USP24: variants seen among roughly 807,000 people sequenced by gnomAD.
USP24 encodes ubiquitin specific peptidase 24.
USP24 carries 97 observed loss-of-function variants against 361.6 expected under a neutral mutation model. That is an observed-to-expected ratio of 0.27 (90% CI 0.23 to 0.32). The LOEUF (loss-of-function observed/expected upper bound fraction) is 0.32, where lower values mean the gene tolerates loss of function less well. Ranked by LOEUF, USP24 falls within the 10% of genes least tolerant of loss-of-function variation. The probability of loss-of-function intolerance (pLI) is 1.00; values close to 1 mark genes in which losing one functional copy is unlikely to be tolerated. For synonymous variants in USP24, 1,098 were observed against 1,124.6 expected (o/e 0.98, Z 0.47); for missense variants, 2,353 against 3,165.6 (o/e 0.74, Z 6.16).
Position 55,098,659 on chromosome 1 carries a change from C to T in USP24, c.5371-101G>A, listed in dbSNP as rs141498932. 154 of 830,462 alleles carry T rather than the reference C, an allele frequency of 1.9e-4. 1 individual carries two copies. In the East Asian group the frequency reaches 3.1e-3, roughly 17 times the overall value. 51.4% of individuals were successfully genotyped at this position (830,462 alleles called of 1,614,324 possible). On this transcript the variant is annotated intron_variant, in intron 45 of 67. Transcript: ENST00000294383. The stretch of plus-strand genomic sequence containing the variant: ...GCAATTTAAGGACCAAAACAAAACG[C>T]GTCATTCTGGTAGTATCAGCTGTGG...
chr1:55,076,424 C>G (rs1645032984), intron 62 of USP24, among the ~76,000 whole-genome samples: 1 of 152,172 alleles, frequency 6.6e-6, no homozygotes, highest in South Asian at 2.1e-4. Flanking sequence ...TCTTTTCTTA[C>G]TCAAAACTCT....
Position 55,147,810 on chromosome 1 carries a change from T to C in USP24, c.1969-12A>G. On this transcript the variant is annotated splice_polypyrimidine_tract_variant and intron_variant, in intron 17 of 67. Transcript: ENST00000294383. The stretch of plus-strand genomic sequence containing the variant: ...TCTTGAATAATGCTCTTGGCGAAAA[T>C]AACAAAAAGAAAAGTGGTAATGAGA... The C allele has an allele frequency of 1.2e-6, 2 of 1,608,470 alleles. No homozygotes were observed. The highest frequency in any genetic ancestry group is 1.1e-5 in the South Asian group (1 of 90,244).
intron 49 of USP24, 91 bp from the exon 50 acceptor site, chr1:55,096,713 A>T (rs1422586250): frequency 6.7e-7 from 1 of 1,495,466 alleles, no homozygotes; most frequent in Non-Finnish European, 9.0e-7. Context: ...TCTACAAATA[A>T]AGCAGGTGTT....
intron 38 of USP24, among the ~76,000 whole-genome samples, chr1:55,118,137 T>C (rs1646174331): frequency 6.6e-6 from 1 of 152,160 alleles, no homozygotes; most frequent in African/African-American, 2.4e-5. Flanking sequence ...CATTCTAAAA[T>C]TCACATGGAC....
chr1:55,165,071 T>G (rs1421242620), intron 7 of USP24, among the ~76,000 whole-genome samples: 6 of 152,010 alleles, frequency 3.9e-5, no homozygotes, highest in African/African-American at 1.2e-4. Flanking sequence ...ACCATCAGTC[T>G]CTCTCCTTGA....
In USP24 at chr1:55,175,500, A is replaced by G. The variant is rs551343769; in HGVS notation, c.558+876T>C. 8.1e-4 allele frequency among the ~76,000 whole-genome samples: 123 copies of G among 152,250 alleles called. 1 individual carries two copies. The highest frequency in any genetic ancestry group is 1.2e-3 in the South Asian group (6 of 4,822). ...CTTGGCCTCCCAAGGTGCTGGGATT[A>G]CAGGCGTGAGCAATTGCACCCGGCC... On this transcript the variant is annotated intron_variant, in intron 3 of 67. Transcript: ENST00000294383.
chr1:55,199,683 TAATG>T (rs1401620929), intron 1 of USP24, among the ~76,000 whole-genome samples: 3 of 151,450 alleles, frequency 2.0e-5, no homozygotes, highest in Non-Finnish European at 4.4e-5. Context: ...TGTTTGCAAA[TAATG>T]AATCAAGGTG....
At chr1:55,073,047 C>T (rs112883154) in intron 64 of USP24, 186 bp from the exon 65 acceptor site, 1 of 595,302 alleles carries the variant, frequency 1.7e-6, no homozygotes. Context: ...CCCCCAGGGG[C>T]TGGGGGAAGG....
At chr1:55,214,083 C>T (rs1222521445) in intron 1 of USP24, among the ~76,000 whole-genome samples, 1 of 151,986 alleles carries the variant, frequency 6.6e-6, no homozygotes, top group African/African-American at 2.4e-5. Flanking sequence ...CCACCCCTGC[C>T]CAGGCCTCCC....
In USP24 at chr1:55,206,244, G is replaced by A. The variant is rs376303587; in HGVS notation, c.324+8546C>T. 1.0e-3 allele frequency among the ~76,000 whole-genome samples: 159 copies of A among 152,254 alleles called. 7 individuals carry two copies. The South Asian group carries it at 0.032, about 31-fold the overall frequency. ...AAATAGTCCTGCTCAATGCCTAATG[G>A]GAATTATCAATACACACATGCAAAC... is the stretch of plus-strand genomic sequence containing the variant. On this transcript the variant is annotated intron_variant, in intron 1 of 67. Transcript: ENST00000294383.
chr1:55,123,549 T>C lies in USP24; in HGVS notation c.4174A>G (p.Ile1392Val), dbSNP rs1428218331. 2.5e-6 allele frequency: 4 copies of C among 1,601,736 alleles called. No homozygotes were observed. The highest frequency in any genetic ancestry group is 3.4e-6 in the Non-Finnish European group (4 of 1,174,082). Residue 1392 changes from isoleucine to valine, a missense_variant, in exon 36 of 68, where the codon ATC becomes GTC. Ile to Val is a conservative substitution (Grantham distance 29, BLOSUM62 3). This residue lies in a region of USP24 where 949 missense variants were observed against 1,280.5 expected (regional missense o/e 0.74). Coordinates refer to ENST00000294383, the MANE Select transcript of USP24 (RefSeq NM_015306.3). ...GATACAGACTGTTGTCGAACACAGA[T>C]TCCCGCATGCAGGGCTACTGGTTCT... ...EGEPVALHAGICVRQQSVSTK... is the reference protein window; with the variant it reads ...EGEPVALHAGVCVRQQSVSTK...
intron 63 of USP24, among the ~76,000 whole-genome samples, chr1:55,074,107 T>TA (rs34911935): frequency 0.15 from 18,647 of 123,278 alleles, 1,466 homozygotes; most frequent in Non-Finnish European, 0.2. Flanking sequence ...TAAGTATGTT[T>TA]AAAAAAAAAA....
In USP24 at chr1:55,159,641, C is replaced by T. The variant is rs758804797; in HGVS notation, c.1038G>A (p.Arg346=). ...PVILTTIQDV[R]SVEEKDLKDK... is the part of the protein sequence containing the mutation. Reference sequence around the variant, plus strand: ...CTTTGAGGTCTTTCTCTTCTACACTCCGTACATCCTGGATTGTAGTAAGAA... The same window carrying T: ...CTTTGAGGTCTTTCTCTTCTACACTTCGTACATCCTGGATTGTAGTAAGAA... Residue 346 remains arginine (R), a synonymous_variant, in exon 9 of 68, where the codon CGG becomes CGA. Coordinates refer to ENST00000294383, the MANE Select transcript of USP24 (RefSeq NM_015306.3). The T allele has an allele frequency of 9.6e-6, 15 of 1,562,568 alleles. No individual in the cohort carries two copies. Among genetic ancestry groups the T allele is most frequent in the South Asian group, 2.4e-5 (2 of 85,010 alleles).
intron 7 of USP24, among the ~76,000 whole-genome samples, chr1:55,165,104 T>C (rs1401780907): frequency 1.3e-5 from 2 of 152,034 alleles, no homozygotes; most frequent in Non-Finnish European, 2.9e-5. Context: ...CCTTCACCCA[T>C]AGAGGGACCA....
At chr1:55,105,323 C>CA (rs1022487033) in intron 41 of USP24, among the ~76,000 whole-genome samples, 7 of 151,976 alleles carry the variant, frequency 4.6e-5, no homozygotes, top group Non-Finnish European at 8.8e-5. Context: ...AAGGGTTTTA[C>CA]TTTTTTTTCT....
At chr1:55,113,200 A>C (rs1435946798) in intron 38 of USP24, among the ~76,000 whole-genome samples, 5 of 152,208 alleles carry the variant, frequency 3.3e-5, no homozygotes, top group African/African-American at 4.8e-5. Flanking sequence ...TAAAGAATAC[A>C]TCACCACTGA....
chr1:55,207,663 T>C (rs1644745579), intron 1 of USP24, among the ~76,000 whole-genome samples: 1 of 152,212 alleles, frequency 6.6e-6, no homozygotes, highest in Admixed American at 6.5e-5. Flanking sequence ...GGAAGATGTG[T>C]GTAGGTTAGA....
chr1:55,186,373 T>C (rs961899133), intron 1 of USP24, among the ~76,000 whole-genome samples: 15 of 152,176 alleles, frequency 9.9e-5, no homozygotes, highest in Non-Finnish European at 2.1e-4. Flanking sequence ...TGGAGGTTTC[T>C]CAAAAACTTA....
At chr1:55,124,323 T>A in intron 35 of USP24, 146 bp downstream of exon 35, 2 of 863,498 alleles carry the variant, frequency 2.3e-6, no homozygotes, top group Non-Finnish European at 1.7e-6. Context: ...ATACTAAGTG[T>A]ATACAGAGCT....
Sources: allele counts gnomAD v4.1 joint callset (sites outside exome capture counted in the v4.1 genomes callset), GRCh38; gene constraint gnomAD v4.1.1; regional missense constraint gnomAD v4.1.1; transcripts MANE v1.5; gene names NCBI Gene and HGNC (gene_info 2026-07-23, HGNC 2026-07-21).